The following NTRK1 variants were observed in gnomAD, a reference collection of about 807,000 sequenced individuals.
NTRK1 encodes neurotrophic receptor tyrosine kinase 1, also known as high affinity nerve growth factor receptor.
Under a neutral mutation model 86.8 loss-of-function variants are expected in NTRK1, and 62 were observed. The observed-to-expected ratio is 0.71, with a 90% CI of 0.58 to 0.88. The LOEUF is 0.88. Among genes scored for constraint, NTRK1 ranks in the 40% least tolerant of loss-of-function variants. NTRK1 has a pLI of 0.00. For missense variants in NTRK1, 967 were observed against 1,078.4 expected (o/e 0.90, Z 1.45); for synonymous variants, 469 against 456.6 (o/e 1.03, Z -0.35).
At chr1:156,833,645 C>T (rs186672617) in intron 1 of NTRK1, among the ~76,000 whole-genome samples, 2 of 152,260 alleles carry the variant, frequency 1.3e-5, no homozygotes, top group Non-Finnish European at 2.9e-5. Context: ...ATAATAACTA[C>T]CATGATGCTG....
chr1:156,868,918 A>G (rs936226316), intron 6 of NTRK1, among the ~76,000 whole-genome samples: 1 of 151,740 alleles, frequency 6.6e-6, no homozygotes, highest in Admixed American at 6.6e-5. Context: ...CTTTCTGGGA[A>G]CATGGTGTTG....
chr1:156,823,403 G>A (rs1052865205), intron 1 of NTRK1, among the ~76,000 whole-genome samples: 12 of 152,158 alleles, frequency 7.9e-5, no homozygotes, highest in Non-Finnish European at 1.8e-4. Flanking sequence ...CTAATTATGG[G>A]TGATGGGGCA....
At chr1:156,881,279 G>A (rs1011554674) in intron 16 of NTRK1, among the ~76,000 whole-genome samples, 178 bp from the exon 17 acceptor site, 1 of 152,218 alleles carries the variant, frequency 6.6e-6, no homozygotes, top group South Asian at 2.1e-4. Context: ...TCACTTCTCA[G>A]TGTCAGAGCA....
exon 2 of NTRK1, chr1:156,842,124 C>T (rs1035402024): frequency 4.3e-6 from 7 of 1,613,914 alleles, no homozygotes; most frequent in African/African-American, 1.3e-5. Flanking sequence ...CCGATCTTGA[C>T]GGTGAAGTCC....
In NTRK1 at chr1:156,881,534, G is replaced by C. The variant is rs1648260493; in HGVS notation, c.2283G>C (p.Arg761=). Residue 761 remains arginine (R), a synonymous_variant, in exon 17 of 17, where the codon CGG becomes CGC. Coordinates refer to ENST00000524377, the MANE Select transcript of NTRK1 (RefSeq NM_002529.4). ...CACCAGAGGTCTACGCCATCATGCG[G>C]GGCTGCTGGCAGCGGGAGCCCCAGC... ...ACPPEVYAIM[R]GCWQREPQQR... 1.2e-6 allele frequency: 2 copies of C among 1,604,308 alleles called. No individual in the cohort carries two copies. Among genetic ancestry groups the C allele is most frequent in the Non-Finnish European group, 1.7e-6 (2 of 1,175,800 alleles).
chr1:156,842,475 G>T (rs780069575), intron 2 of NTRK1: 6 of 1,613,960 alleles, frequency 3.7e-6, no homozygotes, highest in African/African-American at 2.7e-5. Context: ...ACCAGAGTTG[G>T]CTGGCCCTGA....
upstream of NTRK1, among the ~76,000 whole-genome samples, chr1:156,858,324 A>T (rs1259122017): frequency 6.6e-6 from 1 of 152,142 alleles, no homozygotes; most frequent in African/African-American, 2.4e-5. Flanking sequence ...CACGTTTTGA[A>T]GCTCTTCTCA....
rs370738349 is a variant in NTRK1, at chr1:156,863,371, C to T, written c.213-983C>T. On this transcript the variant is annotated intron_variant, in intron 1 of 16. Coordinates refer to ENST00000524377, the MANE Select transcript of NTRK1 (RefSeq NM_002529.4). ...TTCACTCTCTCTTTGTTTTTCTGCCCGTCTGCCCCCACCCTCCTCGTTGAG... is the reference window on the plus strand; with the variant it reads ...TTCACTCTCTCTTTGTTTTTCTGCCTGTCTGCCCCCACCCTCCTCGTTGAG... Among the ~76,000 whole-genome samples the T allele has an allele frequency of 1.6e-3, 250 of 152,042 alleles. 1 individual carries two copies. Among genetic ancestry groups the T allele is most frequent in the African/African-American group, 5.7e-3 (236 of 41,452 alleles).
chr1:156,816,201 CT>C, intron 1 of NTRK1: 1 of 1,463,220 alleles, frequency 6.8e-7, no homozygotes, highest in Non-Finnish European at 9.0e-7. Context: ...CTGGGACAGT[CT>C]TAACGACAGG....
At chr1:156,871,893 C>A in intron 7 of NTRK1, 138 bp downstream of exon 7, 1 of 1,198,144 alleles carries the variant, frequency 8.3e-7, no homozygotes, top group Non-Finnish European at 1.2e-6. Flanking sequence ...TTTCCAGATT[C>A]CCATGAAAAC....
chr1:156,864,791 C>T lies in NTRK1; in HGVS notation c.351C>T (p.Leu117=). 6.2e-7 allele frequency: 1 copy of T among 1,613,700 alleles called. No individual in the cohort carries two copies. The highest frequency in any genetic ancestry group is 8.5e-7 in the Non-Finnish European group (1 of 1,179,904). ...ATGCCTTCCATTTCACTCCTCGGCT[C>T]AGTCGCCTGTGAGTGTGGCCAGTGC... The part of the protein sequence containing the change: ...APDAFHFTPR[L]SRLNLSFNAL... The change falls in exon 3 of 17, where the codon CTC becomes CTT. Residue 117 remains leucine (L), a synonymous_variant. Coordinates refer to ENST00000524377, the MANE Select transcript of NTRK1 (RefSeq NM_002529.4).
chr1:156,820,318 C>G (rs1654149833), intron 1 of NTRK1, among the ~76,000 whole-genome samples: 1 of 152,198 alleles, frequency 6.6e-6, no homozygotes, highest in South Asian at 2.1e-4. Flanking sequence ...ACGATCTCGG[C>G]TCACTGCAGC....
rs758336621 is a variant in NTRK1, at chr1:156,840,756, C to A, written c.-63-1325C>A. 1.7e-3 allele frequency: 1,348 copies of A among 787,390 alleles called. 5 individuals are homozygous for A. Among genetic ancestry groups the A allele is most frequent in the Non-Finnish European group, 2.4e-3 (1,141 of 469,890 alleles). The allele number at this position is 787,390 out of a possible 1,614,324, so 48.8% of individuals were successfully genotyped here. The stretch of plus-strand genomic sequence containing the variant: ...TCCCTGCTCCTGTTCTCTGCCCCAC[C>A]CTCGGCCATCCCTTGCCCTGAGTTG... On this transcript the variant is annotated intron_variant, in intron 1 of 16. Coordinates refer to the NTRK1 transcript ENST00000392302.
chr1:156,840,935 C>G, intron 1 of NTRK1: 1 of 1,614,110 alleles, frequency 6.2e-7, no homozygotes, highest in Non-Finnish European at 8.5e-7. Context: ...GAGTCAGGCT[C>G]TGCATCGGTG....
intron 4 of NTRK1, among the ~76,000 whole-genome samples, chr1:156,867,697 C>T (rs12133236): frequency 0.038 from 5,659 of 149,228 alleles, 167 homozygotes; most frequent in East Asian, 0.098. Context: ...GAGACGGAGT[C>T]TCGCTCTGTC....
At chr1:156,859,651 G>C (rs1394245091), upstream of NTRK1, among the ~76,000 whole-genome samples, 1 of 152,148 alleles carries the variant, frequency 6.6e-6, no homozygotes, top group Non-Finnish European at 1.5e-5. The surrounding 1 kb of genome is among the most constrained non-coding windows in gnomAD (Gnocchi z 6.2). Flanking sequence ...GGCGATCACT[G>C]TGTAGGGCTC....
At chr1:156,823,510 T>C (rs1654242588) in intron 1 of NTRK1, among the ~76,000 whole-genome samples, 1 of 152,216 alleles carries the variant, frequency 6.6e-6, no homozygotes, top group Non-Finnish European at 1.5e-5. Flanking sequence ...GATACCATGC[T>C]GAGAGATCAG....
intron 1 of NTRK1, among the ~76,000 whole-genome samples, chr1:156,836,087 G>T (rs1654591632): frequency 6.6e-6 from 1 of 152,054 alleles, no homozygotes; most frequent in Admixed American, 6.6e-5. Flanking sequence ...TTCTCCTCCT[G>T]CGTGTCTGTC....
chr1:156,825,559 G>T (rs1212770050), intron 1 of NTRK1, among the ~76,000 whole-genome samples: 1 of 152,082 alleles, frequency 6.6e-6, no homozygotes, highest in East Asian at 1.9e-4. Flanking sequence ...TTACCATCCT[G>T]CCCTTTGTGT....
Sources: allele counts gnomAD v4.1 joint callset (sites outside exome capture counted in the v4.1 genomes callset), GRCh38; gene constraint gnomAD v4.1.1; non-coding constraint Gnocchi (gnomAD v3.1); transcripts MANE v1.5; gene names NCBI Gene and HGNC (gene_info 2026-07-23, HGNC 2026-07-21).